The following ARHGAP23 variants were observed in gnomAD, a reference collection of about 807,000 sequenced individuals.
ARHGAP23 encodes the protein Rho GTPase activating protein 23.
A neutral mutation model predicts 136.3 loss-of-function variants in ARHGAP23; 34 were observed. The ratio of observed to expected loss-of-function variants is 0.25; its 90% CI spans 0.19 to 0.33. The LOEUF (loss-of-function observed/expected upper bound fraction) is 0.33, where lower values mean the gene tolerates loss of function less well. Ranked by LOEUF, ARHGAP23 falls within the 10% of genes least tolerant of loss-of-function variation. The pLI is 1.00. For synonymous variants in ARHGAP23, 832 were observed against 920.5 expected, an observed-to-expected ratio of 0.90 and a Z score of 1.74; for missense variants, 1,808 against 2,139.0, an observed-to-expected ratio of 0.85 and a Z score of 3.05.
chr17:38,448,272 C>T (rs1304472561), intron 1 of ARHGAP23, among the ~76,000 whole-genome samples: 7 of 152,096 alleles, frequency 4.6e-5, no homozygotes. Context: ...GGTCTATGAG[C>T]GTCCACATGT....
intron 1 of ARHGAP23, chr17:38,451,914 C>T (rs12949887): frequency 6.6e-6 from 1 of 152,548 alleles, no homozygotes; most frequent in African/African-American, 2.4e-5. Flanking sequence ...CGCTCTCCCC[C>T]TAAGCTCTCC....
At chr17:38,500,879 A>G in intron 23 of ARHGAP23, 1 of 539,956 alleles carries the variant, frequency 1.9e-6, no homozygotes, top group South Asian at 2.7e-5. Flanking sequence ...AATGTCACTC[A>G]GTAGTTAGAA....
intron 1 of ARHGAP23, among the ~76,000 whole-genome samples, chr17:38,453,488 T>G (rs2039237763): frequency 6.7e-6 from 1 of 148,430 alleles, no homozygotes; most frequent in South Asian, 2.2e-4. Context: ...GGGTGCAAGG[T>G]GTGCGGGCCG....
At chr17:38,439,550 T>C (rs568494915) in intron 1 of ARHGAP23, among the ~76,000 whole-genome samples, 1 of 152,248 alleles carries the variant, frequency 6.6e-6, no homozygotes, top group Non-Finnish European at 1.5e-5. Flanking sequence ...GTATTGGTTA[T>C]AGCAAACTTG....
intron 1 of ARHGAP23, among the ~76,000 whole-genome samples, chr17:38,457,038 T>A (rs758353943): frequency 1.1e-4 from 17 of 152,176 alleles, no homozygotes; most frequent in Non-Finnish European, 2.2e-4. Context: ...GCCTCTTGAG[T>A]AGCTGGGATT....
At chr17:38,474,756 G>GT (rs1005669358) in intron 11 of ARHGAP23, among the ~76,000 whole-genome samples, 22 of 129,408 alleles carry the variant, frequency 1.7e-4, no homozygotes, top group Admixed American at 1.5e-3. Flanking sequence ...CTTGAGAGAA[G>GT]TGGGGGGGCC....
At chr17:38,475,301 C>G (rs1355611590) in intron 11 of ARHGAP23, among the ~76,000 whole-genome samples, 4 of 152,378 alleles carry the variant, frequency 2.6e-5, no homozygotes, top group Non-Finnish European at 4.4e-5. Flanking sequence ...GTGACCAACT[C>G]TCTCACTCAT....
chr17:38,480,971 A>G (rs2144715185), intron 14 of ARHGAP23, among the ~76,000 whole-genome samples: 1 of 151,892 alleles, frequency 6.6e-6, no homozygotes, highest in Non-Finnish European at 1.5e-5. Flanking sequence ...TATCCCTACA[A>G]AATATTTTTT....
At chr17:38,490,585 G>C in intron 19 of ARHGAP23, 34 bp downstream of exon 19, 1 of 1,453,882 alleles carries the variant, frequency 6.9e-7, no homozygotes, top group Middle Eastern at 2.4e-4. Context: ...TCTGGGGGAG[G>C]CAAGCACGGA....
chr17:38,423,082 T>C (rs1567765371), intron 1 of ARHGAP23, among the ~76,000 whole-genome samples: 1 of 152,154 alleles, frequency 6.6e-6, no homozygotes, highest in African/African-American at 2.4e-5. Context: ...TGCACCACAA[T>C]CTCAGCACCA....
intron 1 of ARHGAP23, among the ~76,000 whole-genome samples, chr17:38,438,321 CA>C (rs34412310): frequency 4.1e-4 from 47 of 115,964 alleles, no homozygotes; most frequent in South Asian, 2.3e-3. Flanking sequence ...GACTCCGTCT[CA>C]AAAAAAAAAA....
rs1413924178 is a variant in ARHGAP23, at chr17:38,469,161, A to C, written c.1666A>C (p.Ser556Arg). 6.4e-7 allele frequency: 1 copy of C among 1,550,954 alleles called. No homozygotes were observed. Among genetic ancestry groups the C allele is most frequent in the Admixed American group, 2.0e-5 (1 of 50,912 alleles). The change falls in exon 8 of 24, where the codon AGC (serine) becomes CGC (arginine). Residue 556 changes from serine to arginine, a missense_variant. Coordinates refer to ENST00000622683, the MANE Select transcript of ARHGAP23 (RefSeq NM_001199417.2). ...ATGCATAGATGAGCCCACCAGCCCC[A>C]GCATTGACCTCCAAGCCAAGCACGT... Reference protein sequence around the residue: ...IPFIDEPTSPSIDLQAKHVPA... With the variant: ...IPFIDEPTSPRIDLQAKHVPA...
chr17:38,492,244 T>C (rs569930032), intron 20 of ARHGAP23, among the ~76,000 whole-genome samples: 8 of 152,196 alleles, frequency 5.3e-5, no homozygotes, highest in Non-Finnish European at 1.0e-4. Flanking sequence ...ACTGCCGCCT[T>C]CTGGTGTGCA....
rs16965349 is a variant in ARHGAP23, at chr17:38,458,280, G to A, written c.225+17G>A. 0.24 allele frequency: 359,068 copies of A among 1,496,404 alleles called. 45,958 individuals are homozygous for A. The highest frequency in any genetic ancestry group is 0.45 in the Admixed American group (21,105 of 47,342). The allele number at this position is 1,496,404 out of a possible 1,614,324, so 92.7% of individuals were successfully genotyped here. On this transcript the variant is annotated intron_variant, in intron 2 of 23. Transcript: ENST00000622683. ...AGCCTGAAGGTATGCCCGGCTCGCC[G>A]CTGCCCTGGTCTGGGGAAGCTTTCA...
At chr17:38,423,619 C>T (rs2038541836), upstream of ARHGAP23, among the ~76,000 whole-genome samples, 1 of 151,938 alleles carries the variant, frequency 6.6e-6, no homozygotes, top group Non-Finnish European at 1.5e-5. Flanking sequence ...GTGATCTGCC[C>T]TCCTCAGCCT....
At chr17:38,473,852 T>C (rs887685541) in intron 11 of ARHGAP23, among the ~76,000 whole-genome samples, 1 of 152,062 alleles carries the variant, frequency 6.6e-6, no homozygotes, top group Non-Finnish European at 1.5e-5. Context: ...AGCTGGGGAA[T>C]TGGGTGCCTG....
In ARHGAP23 at chr17:38,490,008, G is replaced by A; in HGVS notation, c.2987-94G>A. The A allele has an allele frequency of 5.5e-6, 7 of 1,267,886 alleles. No homozygotes were observed. In the South Asian group the frequency reaches 6.4e-5, roughly 12 times the overall value. The allele number at this position is 1,267,886 out of a possible 1,614,324, so 78.5% of individuals were successfully genotyped here. On this transcript the variant is annotated intron_variant, in intron 17 of 23. Coordinates refer to ENST00000622683, the MANE Select transcript of ARHGAP23 (RefSeq NM_001199417.2). ...ACGCTGGAGCCCCCGAACTGGAGGA[G>A]TTCAAAACACAGCCCTCCCAGCAGG...
chr17:38,486,423 G>A (rs58336324), intron 17 of ARHGAP23, among the ~76,000 whole-genome samples: 1 of 151,398 alleles, frequency 6.6e-6, no homozygotes, highest in African/African-American at 2.4e-5. Context: ...GAGATGGGGG[G>A]AGTTTCTCAC....
At position 38,482,012 on chromosome 17, in the gene ARHGAP23, C is replaced by T; in HGVS notation, c.2630-10C>T. 3.9e-6 allele frequency: 6 copies of T among 1,522,222 alleles called. No individual in the cohort carries two copies. In the South Asian group the frequency reaches 7.6e-5, roughly 19 times the overall value. The allele number at this position is 1,522,222 out of a possible 1,614,324, so 94.3% of individuals were successfully genotyped here. A position where few individuals can be genotyped will look rare whatever the true frequency, so the allele number is the denominator to read the frequency against. On this transcript the variant is annotated splice_polypyrimidine_tract_variant and intron_variant, in intron 14 of 23. Transcript: ENST00000622683. ...CCCAGCTCACTCTGGCTCTGTCTCCCCCACTTCAGATGACAGTGCTGCAGC... is the reference window on the plus strand; with the variant it reads ...CCCAGCTCACTCTGGCTCTGTCTCCTCCACTTCAGATGACAGTGCTGCAGC...
Sources: gnomAD v4.1 joint callset for allele counts (sites outside exome capture counted in the v4.1 genomes callset) on GRCh38, gnomAD v4.1.1 for gene constraint, MANE v1.5 for transcripts, NCBI Gene and HGNC (gene_info 2026-07-23, HGNC 2026-07-21) for gene names.